The following PLSCR2 variants were observed in gnomAD, a reference collection of about 807,000 sequenced individuals.
PLSCR2 encodes phospholipid scramblase 2.
A neutral mutation model predicts 25.3 loss-of-function variants in PLSCR2; 18 were observed. That is an observed-to-expected ratio of 0.71 (90% confidence interval 0.49 to 1.06). The LOEUF (loss-of-function observed/expected upper bound fraction) is 1.06, where lower values mean the gene tolerates loss of function less well. PLSCR2 is among the 50% of genes least tolerant of loss of function. The probability of loss-of-function intolerance (pLI) is 0.00; values close to 1 mark genes in which losing one functional copy is unlikely to be tolerated. For synonymous variants in PLSCR2, 88 were observed against 87.3 expected, an observed-to-expected ratio of 1.01 and a Z score of -0.04; for missense variants, 243 against 269.5, an observed-to-expected ratio of 0.90 and a Z score of 0.69.
chr3:146,475,370 G>A (rs1335517903), intron 1 of PLSCR2, among the ~76,000 whole-genome samples: 2 of 151,972 alleles, frequency 1.3e-5, no homozygotes, highest in Non-Finnish European at 2.9e-5. Flanking sequence ...GGTCATTTTT[G>A]TTGTTGTCAG....
intron 1 of PLSCR2, among the ~76,000 whole-genome samples, chr3:146,478,452 G>C (rs546866109): frequency 6.6e-6 from 1 of 152,156 alleles, no homozygotes; most frequent in Admixed American, 6.5e-5. Context: ...GCATGCACAA[G>C]CTTCAGTAGC....
chr3:146,462,428 C>T (rs1312343529), upstream of PLSCR2, among the ~76,000 whole-genome samples: 3 of 151,300 alleles, frequency 2.0e-5, no homozygotes, highest in Admixed American at 1.3e-4. Flanking sequence ...CAGCCCACGA[C>T]GATGAACACT....
In PLSCR2 at chr3:146,453,065, G is replaced by A. The variant is rs150336622; in HGVS notation, c.483+937C>T. 4.6e-5 allele frequency among the ~76,000 whole-genome samples: 7 copies of A among 152,090 alleles called. No homozygotes were observed. The East Asian group carries it at 1.2e-3, about 25-fold the overall frequency. On this transcript the variant is annotated intron_variant, in intron 5 of 6. Coordinates refer to ENST00000610787, the Ensembl canonical transcript of PLSCR2. ...TTAGAATTTCCCATCTCTGTCATCA[G>A]ATTATAAAGTTGAAAAGGGGAAGCA... is the stretch of plus-strand genomic sequence containing the variant.
At chr3:146,480,524 C>G (rs1417646670) in intron 1 of PLSCR2, among the ~76,000 whole-genome samples, 1 of 152,102 alleles carries the variant, frequency 6.6e-6, no homozygotes, top group Non-Finnish European at 1.5e-5. Flanking sequence ...TACAACCTCC[C>G]AAGACTAAAC....
At chr3:146,394,454 C>T (rs1168283536) in intron 3 of PLSCR2, among the ~76,000 whole-genome samples, 11 of 151,820 alleles carry the variant, frequency 7.2e-5, no homozygotes, top group Middle Eastern at 3.2e-3. Flanking sequence ...TTAGTAGAGA[C>T]GGGGTTTCTC....
At chr3:146,410,709 G>A (rs921423135) in intron 2 of PLSCR2, among the ~76,000 whole-genome samples, 24 of 152,274 alleles carry the variant, frequency 1.6e-4, no homozygotes, top group Non-Finnish European at 2.5e-4. Flanking sequence ...AATAGACACC[G>A]AACAAAACAA....
At chr3:146,450,426 G>C (rs2040826351) in intron 5 of PLSCR2, among the ~76,000 whole-genome samples, 1 of 152,182 alleles carries the variant, frequency 6.6e-6, no homozygotes, top group Non-Finnish European at 1.5e-5. Flanking sequence ...TGATTGCTAT[G>C]GATTATTCTT....
chr3:146,441,987 T>G (rs1271118543), intron 6 of PLSCR2, among the ~76,000 whole-genome samples, 166 bp from the exon 7 acceptor site: 1 of 152,070 alleles, frequency 6.6e-6, no homozygotes, highest in Non-Finnish European at 1.5e-5. Flanking sequence ...TTCTCTACCT[T>G]CAGCTATCTA....
intron 1 of PLSCR2, among the ~76,000 whole-genome samples, chr3:146,490,196 G>C (rs1333540314): frequency 2.0e-5 from 3 of 152,054 alleles, no homozygotes; most frequent in Non-Finnish European, 4.4e-5. Context: ...ACCTATTATA[G>C]ATGTTTGTAT....
chr3:146,444,866 G>T (rs2040454753), intron 6 of PLSCR2, among the ~76,000 whole-genome samples: 1 of 151,758 alleles, frequency 6.6e-6, no homozygotes, highest in Non-Finnish European at 1.5e-5. Flanking sequence ...TCCTTTTAGA[G>T]AAAGGGATTT....
At chr3:146,493,134 A>G (rs774406734) in intron 1 of PLSCR2, among the ~76,000 whole-genome samples, 5 of 152,176 alleles carry the variant, frequency 3.3e-5, no homozygotes, top group Admixed American at 6.5e-5. Flanking sequence ...GAACAGACCA[A>G]AAACAAGATC....
At chr3:146,412,511 C>T (rs759575479) in intron 2 of PLSCR2, among the ~76,000 whole-genome samples, 6 of 152,038 alleles carry the variant, frequency 3.9e-5, no homozygotes, top group South Asian at 2.1e-4. Flanking sequence ...TGGGCCTGCT[C>T]GAGCCATGGT....
intron 2 of PLSCR2, among the ~76,000 whole-genome samples, chr3:146,405,300 G>T (rs1027866134): frequency 4.6e-5 from 7 of 152,140 alleles, no homozygotes; most frequent in South Asian, 2.1e-4. Context: ...GCTTTGGGTG[G>T]TATCAATCAG....
intron 1 of PLSCR2, among the ~76,000 whole-genome samples, chr3:146,480,123 A>G (rs2043077359): frequency 6.6e-6 from 1 of 152,256 alleles, no homozygotes. Context: ...AAATGCCCAC[A>G]AGAGAAAGCA....
At chr3:146,471,009 T>G (rs2042098370) in intron 1 of PLSCR2, among the ~76,000 whole-genome samples, 1 of 151,378 alleles carries the variant, frequency 6.6e-6, no homozygotes, top group South Asian at 2.1e-4. Flanking sequence ...TACATACAAA[T>G]AAGTATATAC....
intron 1 of PLSCR2, among the ~76,000 whole-genome samples, chr3:146,485,572 G>A (rs906947038): frequency 9.9e-5 from 15 of 152,050 alleles, no homozygotes; most frequent in Non-Finnish European, 1.9e-4. Flanking sequence ...CTCAGCAAAT[G>A]CAAAAGAACT....
At chr3:146,461,433 A>G (rs1431016575), upstream of PLSCR2, among the ~76,000 whole-genome samples, 1 of 152,210 alleles carries the variant, frequency 6.6e-6, no homozygotes, top group African/African-American at 2.4e-5. Flanking sequence ...CAGGGGATAC[A>G]GCTATCAAAA....
chr3:146,455,214 A>G, intron 4 of PLSCR2, 25 bp downstream of exon 4: 1 of 1,481,256 alleles, frequency 6.8e-7, no homozygotes, highest in South Asian at 1.1e-5. Context: ...TACTTTATGA[A>G]AAGCTCTAGT....
intron 2 of PLSCR2, among the ~76,000 whole-genome samples, chr3:146,426,186 C>A (rs1035117607): frequency 4.2e-4 from 61 of 146,750 alleles, no homozygotes; most frequent in African/African-American, 1.5e-3. Flanking sequence ...TTCCTTCCTC[C>A]CTCCCTCCTT....
Sources: allele counts gnomAD v4.1 joint callset (sites outside exome capture counted in the v4.1 genomes callset), GRCh38; gene constraint gnomAD v4.1.1; transcripts MANE v1.5; gene names NCBI Gene and HGNC (gene_info 2026-07-23, HGNC 2026-07-21).